ATP6V1E1: variants seen among roughly 807,000 people sequenced by gnomAD.
ATP6V1E1 encodes V-type proton ATPase subunit E 1.
A neutral mutation model predicts 35.2 loss-of-function variants in ATP6V1E1; 21 were observed. The observed-to-expected ratio is 0.60, with a 90% CI of 0.42 to 0.86. The LOEUF (loss-of-function observed/expected upper bound fraction) is 0.86, where lower values mean the gene tolerates loss of function less well. Among genes scored for constraint, ATP6V1E1 ranks in the 40% least tolerant of loss-of-function variants. The pLI, the probability that ATP6V1E1 is intolerant of heterozygous loss-of-function variation, is 0.00. For missense variants in ATP6V1E1, 183 were observed against 272.6 expected (o/e 0.67, Z 2.32); for synonymous variants, 83 against 87.8 (o/e 0.95, Z 0.30).
At chr22:17,601,316 T>C in intron 4 of ATP6V1E1, 135 bp from the exon 5 acceptor site, 1 of 652,296 alleles carries the variant, frequency 1.5e-6, no homozygotes, top group African/African-American at 1.8e-5. Context: ...ACACATTCCC[T>C]GAGATCTGAG....
chr22:17,623,336 T>C (rs1256275320), intron 1 of ATP6V1E1, among the ~76,000 whole-genome samples: 1 of 152,176 alleles, frequency 6.6e-6, no homozygotes, highest in Non-Finnish European at 1.5e-5. Flanking sequence ...GGTAATGGTG[T>C]CTACAAGTTT....
intron 1 of ATP6V1E1, among the ~76,000 whole-genome samples, chr22:17,625,101 T>C (rs1460396667): frequency 6.6e-6 from 1 of 152,190 alleles, no homozygotes; most frequent in Non-Finnish European, 1.5e-5. Flanking sequence ...GTAAGAATAT[T>C]GTATGATTTC....
chr22:17,626,289 C>G (rs1249577412), intron 1 of ATP6V1E1, among the ~76,000 whole-genome samples: 2 of 115,478 alleles, frequency 1.7e-5, no homozygotes, highest in African/African-American at 7.1e-5. Flanking sequence ...GCCTGGGCAA[C>G]AGAGCGAGAC....
intron 1 of ATP6V1E1, among the ~76,000 whole-genome samples, chr22:17,627,001 A>C (rs546687458): frequency 6.6e-6 from 1 of 151,316 alleles, no homozygotes; most frequent in African/African-American, 2.4e-5. Flanking sequence ...TAATATTAAA[A>C]TTTTTTGAGA....
chr22:17,606,725 C>T (rs922818044), intron 4 of ATP6V1E1, among the ~76,000 whole-genome samples: 1 of 152,194 alleles, frequency 6.6e-6, no homozygotes, highest in Admixed American at 6.5e-5. Context: ...CTTCTCATGC[C>T]ATAACAATCT....
intron 4 of ATP6V1E1, among the ~76,000 whole-genome samples, chr22:17,605,422 C>T (rs368724545): frequency 2.1e-5 from 3 of 143,184 alleles, no homozygotes; most frequent in East Asian, 2.2e-4. Context: ...CCCAGCTACT[C>T]GGGAGGCTGA....
intron 6 of ATP6V1E1, 37 bp downstream of exon 6, chr22:17,599,990 G>T: frequency 2.6e-6 from 3 of 1,152,598 alleles, no homozygotes; most frequent in Non-Finnish European, 3.6e-6. Flanking sequence ...AGGGAGGGGG[G>T]AGGGAGGGAG....
intron 7 of ATP6V1E1, among the ~76,000 whole-genome samples, chr22:17,597,047 C>T (rs2146295576): frequency 6.6e-6 from 1 of 151,994 alleles, no homozygotes; most frequent in Admixed American, 6.5e-5. Flanking sequence ...CGAGACCATC[C>T]TGGCTAACAC....
At chr22:17,594,082 A>T (rs527955060) in intron 8 of ATP6V1E1, among the ~76,000 whole-genome samples, 1 of 152,112 alleles carries the variant, frequency 6.6e-6, no homozygotes, top group Admixed American at 6.5e-5. Context: ...GGTGCCTGTA[A>T]TCCCAGCTAC....
chr22:17,605,240 A>T (rs1375727002), intron 4 of ATP6V1E1, among the ~76,000 whole-genome samples: 5 of 147,616 alleles, frequency 3.4e-5, no homozygotes, highest in Non-Finnish European at 7.4e-5. Context: ...AAAAGAAAAG[A>T]AAACTTATGG....
intron 1 of ATP6V1E1, among the ~76,000 whole-genome samples, chr22:17,622,488 G>GAA (rs1186394714): frequency 6.6e-6 from 1 of 152,126 alleles, no homozygotes; most frequent in African/African-American, 2.4e-5. Flanking sequence ...AACGAATTAA[G>GAA]AAAGCACTAC....
At chr22:17,615,028 C>T (rs1023571023) in intron 2 of ATP6V1E1, among the ~76,000 whole-genome samples, 9 of 151,790 alleles carry the variant, frequency 5.9e-5, no homozygotes, top group Admixed American at 3.3e-4. Context: ...ATGGGCTGGG[C>T]GCCATGGCTC....
intron 6 of ATP6V1E1, among the ~76,000 whole-genome samples, chr22:17,599,248 G>C (rs906704585): frequency 3.3e-5 from 5 of 151,644 alleles, no homozygotes; most frequent in African/African-American, 4.9e-5. Context: ...ACAATGTATG[G>C]TTAAAATGGT....
intron 1 of ATP6V1E1, among the ~76,000 whole-genome samples, chr22:17,622,291 A>C (rs2146317251): frequency 6.6e-6 from 1 of 152,128 alleles, no homozygotes; most frequent in South Asian, 2.1e-4. Flanking sequence ...TGGAACAACC[A>C]CCACCATAGG....
intron 4 of ATP6V1E1, among the ~76,000 whole-genome samples, chr22:17,608,739 G>C (rs1038321480): frequency 3.9e-5 from 6 of 152,178 alleles, no homozygotes; most frequent in Non-Finnish European, 8.8e-5. Flanking sequence ...GCCCATCTCT[G>C]AAAGAATATG....
In ATP6V1E1 at chr22:17,619,511, C is replaced by T; in HGVS notation, c.49G>A (p.Ala17Thr). The change falls in exon 2 of 9, where the codon GCT becomes ACT. Residue 17 changes from alanine to threonine, a missense_variant. Physicochemically the swap from Ala to Thr is moderately conservative, Grantham distance 58. Transcript: ENST00000253413. ...DVQKQIKHMM[A>T]FIEQEANEKA... ...TCATTGGCTTCTTGTTCAATGAAAG[C>T]CATCATATGCTTTATCTATAAGGAA... is the stretch of plus-strand genomic sequence containing the variant. The T allele has an allele frequency of 6.2e-7, 1 of 1,600,892 alleles. No individual in the cohort carries two copies. Among genetic ancestry groups the T allele is most frequent in the Non-Finnish European group, 8.5e-7 (1 of 1,174,756 alleles).
At chr22:17,594,371 G>A (rs889020026) in intron 8 of ATP6V1E1, among the ~76,000 whole-genome samples, 158 bp downstream of exon 8, 3 of 152,116 alleles carry the variant, frequency 2.0e-5, no homozygotes, top group Admixed American at 2.0e-4. Flanking sequence ...TACCACCTCA[G>A]CAAATGCTAC....
chr22:17,612,697 T>C (rs1170444902), intron 4 of ATP6V1E1, 115 bp downstream of exon 4: 2 of 892,038 alleles, frequency 2.2e-6, no homozygotes, highest in East Asian at 5.6e-5. Context: ...AATTGGAATG[T>C]TTTCTCTCTA....
chr22:17,625,933 A>C (rs2057902041), intron 1 of ATP6V1E1, among the ~76,000 whole-genome samples: 1 of 151,820 alleles, frequency 6.6e-6, no homozygotes, highest in African/African-American at 2.4e-5. Context: ...CACGACTTCC[A>C]CAACAATTTT....
Sources: gnomAD v4.1 joint callset for allele counts (sites outside exome capture counted in the v4.1 genomes callset) on GRCh38, gnomAD v4.1.1 for gene constraint, MANE v1.5 for transcripts, NCBI Gene and HGNC (gene_info 2026-07-23, HGNC 2026-07-21) for gene names.